The following PDE11A variants were observed in gnomAD, a reference collection of about 807,000 sequenced individuals.
PDE11A encodes the protein phosphodiesterase 11A, also known as dual 3',5'-cyclic-AMP and -GMP phosphodiesterase 11A.
PDE11A carries 100 observed loss-of-function variants against 100.5 expected under a neutral mutation model. The observed-to-expected ratio is 1.00, with a 90% CI of 0.85 to 1.18. The LOEUF (loss-of-function observed/expected upper bound fraction) is 1.18. PDE11A is among the 50% of genes most tolerant of loss of function. PDE11A has a pLI of 0.00. For synonymous variants in PDE11A, 381 were observed against 420.8 expected (o/e 0.91, Z 1.16); for missense variants, 1,141 against 1,152.6 (o/e 0.99, Z 0.15).
chr2:177,943,489 A>C (rs999690842), intron 2 of PDE11A, among the ~76,000 whole-genome samples: 3 of 152,154 alleles, frequency 2.0e-5, no homozygotes, highest in Non-Finnish European at 4.4e-5. Context: ...AATGATGTTG[A>C]GCATCTTTCC....
intron 4 of PDE11A, among the ~76,000 whole-genome samples, chr2:177,878,653 A>G (rs1320136098): frequency 6.6e-6 from 1 of 152,172 alleles, no homozygotes; most frequent in Non-Finnish European, 1.5e-5. Flanking sequence ...TTGACAGCAA[A>G]TTAAGGCTTA....
At chr2:177,644,245 T>G (rs1250605374) in intron 19 of PDE11A, among the ~76,000 whole-genome samples, 1 of 152,174 alleles carries the variant, frequency 6.6e-6, no homozygotes, top group Non-Finnish European at 1.5e-5. Context: ...CCCATGAAAA[T>G]AGCTGGGAGG....
intron 1 of PDE11A, among the ~76,000 whole-genome samples, chr2:178,020,344 G>T (rs1023790018): frequency 6.6e-6 from 1 of 152,182 alleles, no homozygotes; most frequent in Non-Finnish European, 1.5e-5. Flanking sequence ...CAAGGCTATG[G>T]AGTAGGTTGC....
At chr2:177,885,520 T>A (rs142103297) in intron 4 of PDE11A, among the ~76,000 whole-genome samples, 6 of 152,296 alleles carry the variant, frequency 3.9e-5, no homozygotes, top group African/African-American at 1.4e-4. Flanking sequence ...AGGATTTTTT[T>A]TTAAATACTC....
chr2:177,800,523 T>C (rs1175483743), intron 9 of PDE11A, among the ~76,000 whole-genome samples: 1 of 152,170 alleles, frequency 6.6e-6, no homozygotes, highest in African/African-American at 2.4e-5. Flanking sequence ...CTGTAGTTCA[T>C]TCAAAAACCC....
chr2:177,690,605 C>A (rs2081027794), intron 15 of PDE11A, among the ~76,000 whole-genome samples: 1 of 152,200 alleles, frequency 6.6e-6, no homozygotes, highest in African/African-American at 2.4e-5. Context: ...CTGTCATCAT[C>A]AGATGCTTTC....
chr2:177,834,025 T>G (rs932352582), intron 6 of PDE11A, among the ~76,000 whole-genome samples: 4 of 152,186 alleles, frequency 2.6e-5, no homozygotes, highest in Non-Finnish European at 5.9e-5. Flanking sequence ...CTTCAGCTGG[T>G]GTGTAGTGGC....
chr2:177,774,937 T>C (rs1320724834), intron 9 of PDE11A, among the ~76,000 whole-genome samples: 5 of 152,178 alleles, frequency 3.3e-5, no homozygotes, highest in Non-Finnish European at 5.9e-5. Context: ...TTATCTTGGA[T>C]TATCTGGCTT....
At chr2:177,934,384 A>G (rs993913084) in intron 2 of PDE11A, among the ~76,000 whole-genome samples, 1 of 152,236 alleles carries the variant, frequency 6.6e-6, no homozygotes, top group African/African-American at 2.4e-5. Context: ...ATGTAAAAAA[A>G]TGCTCCACAT....
chr2:177,830,829 T>C (rs2083297375), intron 6 of PDE11A, among the ~76,000 whole-genome samples: 2 of 151,900 alleles, frequency 1.3e-5, no homozygotes, highest in South Asian at 4.2e-4. Context: ...TGAGGGTTTC[T>C]TGTACTACTA....
At chr2:177,878,953 T>C (rs2084285875) in intron 4 of PDE11A, among the ~76,000 whole-genome samples, 2 of 152,218 alleles carry the variant, frequency 1.3e-5, no homozygotes, top group South Asian at 4.1e-4. Context: ...TGGCTTGGTA[T>C]AAGATTAATC....
intron 4 of PDE11A, among the ~76,000 whole-genome samples, chr2:177,881,269 C>T (rs565120889): frequency 1.3e-5 from 2 of 152,176 alleles, no homozygotes; most frequent in African/African-American, 4.8e-5. Flanking sequence ...TGTGGGACTT[C>T]TTAGCTTCCA....
At chr2:177,856,446 C>T (rs2083834926) in intron 5 of PDE11A, among the ~76,000 whole-genome samples, 2 of 151,726 alleles carry the variant, frequency 1.3e-5, no homozygotes, top group African/African-American at 2.4e-5. Flanking sequence ...TGAAACTGTC[C>T]CTGAGTAAAC....
chr2:178,086,741 C>T (rs1466657882), intron 2 of PDE11A, among the ~76,000 whole-genome samples: 1 of 152,126 alleles, frequency 6.6e-6, no homozygotes, highest in Non-Finnish European at 1.5e-5. Context: ...GTTGGATAGA[C>T]AACAGTCGTT....
chr2:177,665,836 G>A (rs865963296), intron 18 of PDE11A, among the ~76,000 whole-genome samples: 1 of 143,204 alleles, frequency 7.0e-6, no homozygotes, highest in Non-Finnish European at 1.5e-5. Flanking sequence ...CAGCCTCGGC[G>A]ACAGAGCAAG....
At chr2:178,040,309 G>T (rs2086668160) in intron 1 of PDE11A, among the ~76,000 whole-genome samples, 1 of 152,020 alleles carries the variant, frequency 6.6e-6, no homozygotes, top group South Asian at 2.1e-4. Flanking sequence ...ACCCACCTCG[G>T]CTTCCCAAAG....
chr2:177,817,783 G>A (rs2083065517), intron 8 of PDE11A, 75 bp downstream of exon 8: 2 of 749,750 alleles, frequency 2.7e-6, no homozygotes, highest in Non-Finnish European at 4.9e-6. Context: ...ATAATTGTTT[G>A]TCTTTCAAAT....
At chr2:177,732,799 C>T (rs560407205) in intron 10 of PDE11A, among the ~76,000 whole-genome samples, 74 of 152,138 alleles carry the variant, frequency 4.9e-4, no homozygotes, top group Non-Finnish European at 7.1e-4. Flanking sequence ...TAAATCATAC[C>T]GGTGTGTAGA....
At chr2:177,964,779 C>T (rs548249776) in intron 2 of PDE11A, among the ~76,000 whole-genome samples, 96 of 152,262 alleles carry the variant, frequency 6.3e-4, no homozygotes, top group African/African-American at 2.2e-3. Context: ...CACTGATGGA[C>T]ATTTAAGTTG....
Sources: allele counts gnomAD v4.1 joint callset (sites outside exome capture counted in the v4.1 genomes callset), GRCh38; gene constraint gnomAD v4.1.1; transcripts MANE v1.5; gene names NCBI Gene and HGNC (gene_info 2026-07-23, HGNC 2026-07-21).